The following PKP2 variants were observed in gnomAD, a reference collection of about 807,000 sequenced individuals.
PKP2 encodes the protein plakophilin-2.
Under a neutral mutation model 83.4 loss-of-function variants are expected in PKP2, and 73 were observed. That is an observed-to-expected ratio of 0.88 (90% CI 0.72 to 1.06). PKP2 has a LOEUF of 1.06. PKP2 is among the 50% of genes least tolerant of loss of function. The pLI is 0.00. For missense variants in PKP2, 966 were observed against 1,065.4 expected (o/e 0.91, Z 1.30); for synonymous variants, 409 against 430.4 (o/e 0.95, Z 0.62).
intron 10 of PKP2, among the ~76,000 whole-genome samples, chr12:32,799,190 A>G (rs7963034): frequency 0.077 from 11,766 of 152,246 alleles, 1,206 homozygotes; most frequent in East Asian, 0.54. Context: ...AAAATGCTCA[A>G]CATCACTAAT....
At chr12:32,869,221 A>T (rs1426003868) in intron 3 of PKP2, among the ~76,000 whole-genome samples, 159 bp from the exon 4 acceptor site, 1 of 152,232 alleles carries the variant, frequency 6.6e-6, no homozygotes, top group East Asian at 1.9e-4. Flanking sequence ...CCAAGATCAC[A>T]AGGCAGAGGG....
intron 4 of PKP2, among the ~76,000 whole-genome samples, chr12:32,858,119 A>G (rs1386767989): frequency 9.8e-6 from 1 of 101,584 alleles, no homozygotes; most frequent in Non-Finnish European, 2.0e-5. Context: ...ATATATATTT[A>G]TATATATTTT....
chr12:32,818,478 A>C lies in PKP2; in HGVS notation c.2013+2878T>G, dbSNP rs558451733. ...TCTGTCTCAAAAACAAAAAAAACCC[A>C]AAAAAACCCGAAACTTTATTTCAAT... On this transcript the variant is annotated intron_variant, in intron 9 of 12. Transcript: ENST00000340811. Among the ~76,000 whole-genome samples the C allele has an allele frequency of 1.8e-4, 28 of 152,246 alleles. No individual in the cohort carries two copies. The East Asian group carries it at 2.5e-3, about 14-fold the overall frequency.
chr12:32,843,152 T>C (rs1956613313), intron 5 of PKP2: 1 of 450,916 alleles, frequency 2.2e-6, no homozygotes, highest in Non-Finnish European at 4.5e-6. Context: ...GCTAATTTTT[T>C]TGTATTTTGA....
Position 32,841,099 on chromosome 12 carries a change from A to G in PKP2, c.1485T>C (p.Pro495=), listed in dbSNP as rs879043258. The G allele has an allele frequency of 4.1e-5, 66 of 1,613,920 alleles. No individual in the cohort carries two copies. The highest frequency in any genetic ancestry group is 5.3e-5 in the Non-Finnish European group (62 of 1,179,766). The change falls in exon 6 of 13, where the codon CCT becomes CCC. Residue 495 remains proline, a synonymous_variant. Transcript: ENST00000340811. ...ENIIIPFSGW[P]EGDYPKANGL... Reference sequence around the variant, plus strand: ...CATTTGCTTTTGGGTAGTCTCCTTCAGGCCACCCAGAAAAGGGGATGATGA... The same window carrying G: ...CATTTGCTTTTGGGTAGTCTCCTTCGGGCCACCCAGAAAAGGGGATGATGA...
At chr12:32,826,659 T>G (rs1228919213) in intron 6 of PKP2, among the ~76,000 whole-genome samples, 85 of 152,184 alleles carry the variant, frequency 5.6e-4, no homozygotes, top group Admixed American at 5.6e-3. Context: ...AATGGGTTCA[T>G]AAGCTGGAAA....
In PKP2 at chr12:32,896,573, G is replaced by T. The variant is rs770694213; in HGVS notation, c.159C>A (p.Ser53Arg). The T allele has an allele frequency of 6.3e-7, 1 of 1,590,880 alleles. No individual in the cohort carries two copies. Among genetic ancestry groups the T allele is most frequent in the Non-Finnish European group, 8.5e-7 (1 of 1,177,002 alleles). ...GCTGCACCTGCTCCTGGATCCGCAG[G>T]CTCTTGACTGTCTGGCCGCCGCGGC... ...SSGRGGQTVK[S>R]LRIQEQVQQT... is the part of the protein sequence containing the mutation. The change falls in exon 1 of 13, where the codon AGC (serine) becomes AGA (arginine). Residue 53 changes from serine (S) to arginine (R), a missense_variant. Ser to Arg is a moderately radical substitution (Grantham distance 110). Coordinates refer to ENST00000340811, the MANE Select transcript of PKP2 (RefSeq NM_001005242.3).
At chr12:32,888,704 G>C (rs1957052466) in intron 1 of PKP2, among the ~76,000 whole-genome samples, 1 of 151,394 alleles carries the variant, frequency 6.6e-6, no homozygotes, top group South Asian at 2.1e-4. Context: ...TGTTGATCAG[G>C]CTAGTCTCAA....
intron 9 of PKP2, among the ~76,000 whole-genome samples, chr12:32,819,402 A>G (rs1014149610): frequency 6.6e-6 from 1 of 152,202 alleles, no homozygotes; most frequent in African/African-American, 2.4e-5. Context: ...TAAATCTCCA[A>G]TCAAGTCCAA....
rs372700909 is a variant in PKP2 at position 32,878,161 on chromosome 12, A to G, written c.719T>C (p.Leu240Pro). Reference protein sequence around the residue: ...VFDSIPANPALLTYPRPGTSR... With the variant: ...VFDSIPANPAPLTYPRPGTSR... ...GGTCCCTGGCCTGGGGTACGTGAGC[A>G]GGGCCGGGTTGGCAGGGATGCTGTC... is the stretch of plus-strand genomic sequence containing the variant. The change falls in exon 3 of 13, where the codon CTG becomes CCG. Residue 240 changes from leucine (L) to proline (P), a missense_variant. Physicochemically the swap from Leu to Pro is moderately conservative, Grantham distance 98. Transcript: ENST00000340811. The G allele has an allele frequency of 6.2e-7, 1 of 1,614,116 alleles. No individual in the cohort carries two copies. Among genetic ancestry groups the G allele is most frequent in the African/African-American group, 1.3e-5 (1 of 74,948 alleles).
intron 5 of PKP2, among the ~76,000 whole-genome samples, chr12:32,848,759 T>A (rs544377198): frequency 7.9e-5 from 12 of 152,270 alleles, no homozygotes; most frequent in African/African-American, 2.6e-4. Flanking sequence ...AATATATCCA[T>A]GTGACACACT....
chr12:32,832,236 G>A (rs527437378), intron 6 of PKP2, among the ~76,000 whole-genome samples: 1 of 152,198 alleles, frequency 6.6e-6, no homozygotes, highest in South Asian at 2.1e-4. Context: ...AAATTAGCTG[G>A]GCGTGGTGGT....
At chr12:32,845,259 A>C (rs1291228053) in intron 5 of PKP2, among the ~76,000 whole-genome samples, 1 of 152,224 alleles carries the variant, frequency 6.6e-6, no homozygotes, top group African/African-American at 2.4e-5. Context: ...ATGTTAAATA[A>C]TAATGACCTC....
intron 6 of PKP2, among the ~76,000 whole-genome samples, chr12:32,835,780 G>A (rs557509202): frequency 6.6e-6 from 1 of 152,278 alleles, no homozygotes; most frequent in South Asian, 2.1e-4. Context: ...TTCTGGGGCT[G>A]GGGGAGGGGG....
intron 1 of PKP2, chr12:32,894,549 A>G (rs1308212056): frequency 6.6e-6 from 1 of 152,238 alleles, no homozygotes; most frequent in Non-Finnish European, 1.5e-5. Context: ...TATCTATCTC[A>G]GCAATTGTTT....
At chr12:32,864,840 G>A (rs559722424) in intron 4 of PKP2, among the ~76,000 whole-genome samples, 114 of 152,286 alleles carry the variant, frequency 7.5e-4, no homozygotes, top group African/African-American at 2.7e-3. Flanking sequence ...CATCTTTGCT[G>A]AAGACTAATT....
intron 5 of PKP2, among the ~76,000 whole-genome samples, chr12:32,850,372 T>C (rs1318082202): frequency 6.6e-6 from 1 of 151,638 alleles, no homozygotes; most frequent in Non-Finnish European, 1.5e-5. Context: ...GCCAACATGG[T>C]GAAACTAAAC....
intron 1 of PKP2, among the ~76,000 whole-genome samples, chr12:32,889,937 T>C (rs1957062685): frequency 6.6e-6 from 1 of 151,668 alleles, no homozygotes; most frequent in Non-Finnish European, 1.5e-5. Flanking sequence ...TAGCCGGGTG[T>C]GGTGGCACAC....
Position 32,865,532 on chromosome 12 carries a change from A to G in PKP2, c.1170+3395T>C, listed in dbSNP as rs142895995. Among the ~76,000 whole-genome samples, 267 of 151,906 alleles carry G rather than the reference A, an allele frequency of 1.8e-3. 3 individuals are homozygous for G. Among genetic ancestry groups the G allele is most frequent in the African/African-American group, 6.1e-3 (251 of 41,350 alleles). On this transcript the variant is annotated intron_variant, in intron 4 of 12. Coordinates refer to ENST00000340811, the MANE Select transcript of PKP2 (RefSeq NM_001005242.3). Reference sequence around the variant, plus strand: ...CTCGACTCCACTAAAAAAAAAATACAAAAATTAGCCATGTATGGTGACACA... The same window carrying G: ...CTCGACTCCACTAAAAAAAAAATACGAAAATTAGCCATGTATGGTGACACA...
Sources: gnomAD v4.1 joint callset for allele counts (sites outside exome capture counted in the v4.1 genomes callset) on GRCh38, gnomAD v4.1.1 for gene constraint, MANE v1.5 for transcripts, NCBI Gene and HGNC (gene_info 2026-07-23, HGNC 2026-07-21) for gene names.